The following SSRP1 variants were observed in gnomAD, a reference collection of about 807,000 sequenced individuals.
SSRP1 encodes FACT complex subunit SSRP1.
Under a neutral mutation model 84.4 loss-of-function variants are expected in SSRP1, and 21 were observed. That is an observed-to-expected ratio of 0.25 (90% CI 0.18 to 0.36). SSRP1 has a LOEUF of 0.36. Ranked by LOEUF, SSRP1 falls within the 10% of genes least tolerant of loss-of-function variation. SSRP1 has a pLI of 1.00. For synonymous variants in SSRP1, 319 were observed against 318.3 expected, an observed-to-expected ratio of 1.00 and a Z score of -0.02; for missense variants, 519 against 900.8, an observed-to-expected ratio of 0.58 and a Z score of 5.43.
At chr11:57,331,960 G>T in intron 8 of SSRP1, 71 bp from the exon 9 acceptor site, 1 of 1,509,752 alleles carries the variant, frequency 6.6e-7, no homozygotes, top group South Asian at 1.2e-5. Flanking sequence ...TAGCAGCAGC[G>T]ACACGAGTGC....
At chr11:57,329,888 A>T in intron 12 of SSRP1, 1 of 657,424 alleles carries the variant, frequency 1.5e-6, no homozygotes. Context: ...AGATCCCACT[A>T]TACTTTTCCG....
chr11:57,332,621 T>C lies in SSRP1; in HGVS notation c.768+4A>G, dbSNP rs1204567229. On this transcript the variant is annotated splice_donor_region_variant and intron_variant, in intron 6 of 16. Transcript: ENST00000278412. This position sits in a 1 kb window ranked among gnomAD's most constrained non-coding sequence, Gnocchi z 5.5. ...ATTATCCGGCCATAGGGGTTTCTGC[T>C]TACCACAAAGAACATCTGGCGCTGG... is the stretch of plus-strand genomic sequence containing the variant. 1.2e-6 allele frequency: 2 copies of C among 1,610,484 alleles called. No individual in the cohort carries two copies. Among genetic ancestry groups the C allele is most frequent in the Admixed American group, 1.7e-5 (1 of 59,918 alleles).
chr11:57,331,119 A>C (rs1374897630), intron 9 of SSRP1, among the ~76,000 whole-genome samples, 192 bp from the exon 10 acceptor site: 2 of 152,216 alleles, frequency 1.3e-5, no homozygotes, highest in African/African-American at 2.4e-5. Flanking sequence ...TTAGTCCTGA[A>C]AGAACTGCAT....
chr11:57,334,329 T>C (rs1856160608), intron 3 of SSRP1, 134 bp downstream of exon 3: 1 of 961,314 alleles, frequency 1.0e-6, no homozygotes, highest in Non-Finnish European at 1.6e-6. Flanking sequence ...GATTGCCTGA[T>C]GGCCTCACAG....
intron 9 of SSRP1, 120 bp from the exon 10 acceptor site, chr11:57,331,047 A>C: frequency 9.5e-7 from 1 of 1,057,974 alleles, no homozygotes; most frequent in Non-Finnish European, 1.4e-6. Context: ...TGACTATGCT[A>C]CCCAACCCAA....
chr11:57,334,718 A>G, intron 2 of SSRP1, 70 bp from the exon 3 acceptor site: 1 of 1,545,776 alleles, frequency 6.5e-7, no homozygotes, highest in Non-Finnish European at 8.8e-7. Context: ...AGCTCTACCT[A>G]ACACACATTC....
chr11:57,334,617 C>G lies in SSRP1; in HGVS notation c.86G>C (p.Gly29Ala). The G allele has an allele frequency of 6.2e-7, 1 of 1,614,148 alleles. No individual in the cohort carries two copies. Residue 29 changes from glycine to alanine, a missense_variant, in exon 3 of 17, where the codon GGC becomes GCC. Gly to Ala is a moderately conservative substitution (Grantham distance 60). Coordinates refer to ENST00000278412, the MANE Select transcript of SSRP1 (RefSeq NM_003146.3). Reference protein sequence around the residue: ...NDGRLRLSRQGIIFKNSKTGK... With the variant: ...NDGRLRLSRQAIIFKNSKTGK... ...TGTCTTGCTATTCTTGAAGATGATGCCCTGACGGCTCAACCTCAGTCGACC... is the reference window on the plus strand; with the variant it reads ...TGTCTTGCTATTCTTGAAGATGATGGCCTGACGGCTCAACCTCAGTCGACC...
chr11:57,327,566 C>T, intron 14 of SSRP1, 52 bp from the exon 15 acceptor site: 4 of 1,610,568 alleles, frequency 2.5e-6, no homozygotes, highest in Non-Finnish European at 3.4e-6. Context: ...TCCCATCTCC[C>T]CTCTCCCCTG....
At position 57,332,306 on chromosome 11, in the gene SSRP1, C is replaced by G. The variant is rs1201737969; in HGVS notation, c.873-26G>C. ...CTACAAAGAAAGCAAGGTGAGGTCA[C>G]AACACTACTGCCTTCTAATGGCACA... On this transcript the variant is annotated intron_variant, in intron 7 of 16. Coordinates refer to ENST00000278412, the MANE Select transcript of SSRP1 (RefSeq NM_003146.3). This position sits in a 1 kb window ranked among gnomAD's most constrained non-coding sequence, Gnocchi z 5.5. 1 of 1,613,974 alleles carries G rather than the reference C, an allele frequency of 6.2e-7. No homozygotes were observed. Among genetic ancestry groups the G allele is most frequent in the Non-Finnish European group, 8.5e-7 (1 of 1,180,004 alleles).
chr11:57,333,198 C>T (rs1444613680), intron 4 of SSRP1, 49 bp from the exon 5 acceptor site: 1 of 1,555,658 alleles, frequency 6.4e-7, no homozygotes, highest in Non-Finnish European at 8.7e-7. Context: ...CTTAAGTCTG[C>T]ATAAGCAATA....
rs746000479 is a variant in SSRP1 at position 57,327,882 on chromosome 11, C to A, written c.1612G>T (p.Val538Leu). 1 of 1,613,006 alleles carries A rather than the reference C, an allele frequency of 6.2e-7. No homozygotes were observed. The highest frequency in any genetic ancestry group is 1.1e-5 in the South Asian group (1 of 91,070). The change falls in exon 14 of 17, where the codon GTG becomes TTG. Residue 538 changes from valine (V) to leucine (L), a missense_variant and splice_region_variant. By Grantham distance (32) the Val-to-Leu change is conservative. Transcript: ENST00000278412. ...GCATTGGGGTCTTTGCCCTTCTTCA[C>A]CTACATAAGAACCCAAATGCCTTCA... is the stretch of plus-strand genomic sequence containing the variant. Reference protein sequence around the residue: ...DRKSRKKPVEVKKGKDPNAPK... With the variant: ...DRKSRKKPVELKKGKDPNAPK...
Position 57,330,558 on chromosome 11 carries a change from C to T in SSRP1, c.1297-129G>A, listed in dbSNP as rs1030714647. 25 of 1,467,916 alleles carry T rather than the reference C, an allele frequency of 1.7e-5. No homozygotes were observed. Among genetic ancestry groups the T allele is most frequent in the Non-Finnish European group, 2.3e-5 (25 of 1,104,758 alleles). The allele number at this position is 1,467,916 out of a possible 1,614,324, so 90.9% of individuals were successfully genotyped here. A position where few individuals can be genotyped will look rare whatever the true frequency, so the allele number is the denominator to read the frequency against. On this transcript the variant is annotated intron_variant, in intron 10 of 16. Coordinates refer to ENST00000278412, the MANE Select transcript of SSRP1 (RefSeq NM_003146.3). The surrounding 1 kb of genome is among the most constrained non-coding windows in gnomAD (Gnocchi z 4.0). Reference sequence around the variant, plus strand: ...CCAGAAGACCTGGGGCTGGATTGTCCACACACAGCCAACGTGCAGGGCCTA... The same window carrying T: ...CCAGAAGACCTGGGGCTGGATTGTCTACACACAGCCAACGTGCAGGGCCTA...
At chr11:57,333,609 T>G in intron 3 of SSRP1, 69 bp from the exon 4 acceptor site, 1 of 1,134,622 alleles carries the variant, frequency 8.8e-7, no homozygotes, top group Middle Eastern at 2.0e-4. Context: ...TTGAATGTCC[T>G]GGGATTATCT....
chr11:57,331,626 C>T (rs1270167223), intron 9 of SSRP1, 42 bp downstream of exon 9: 6 of 1,547,912 alleles, frequency 3.9e-6, no homozygotes, highest in African/African-American at 2.7e-5. Context: ...AAAGCTGGCT[C>T]GGGACCAGGA....
rs897200976 is a variant in SSRP1, at chr11:57,332,539, C to T, written c.769-53G>A. On this transcript the variant is annotated intron_variant, in intron 6 of 16. Transcript: ENST00000278412. This position sits in a 1 kb window ranked among gnomAD's most constrained non-coding sequence, Gnocchi z 5.5. Reference sequence around the variant, plus strand: ...TCTACAACAACTTGCAATTAACCAACGTAGAATTCTGCACACCAGTGAGAT... The same window carrying T: ...TCTACAACAACTTGCAATTAACCAATGTAGAATTCTGCACACCAGTGAGAT... 1.9e-6 allele frequency: 3 copies of T among 1,607,172 alleles called. No individual in the cohort carries two copies. The highest frequency in any genetic ancestry group is 2.7e-5 in the African/African-American group (2 of 74,768).
At position 57,331,903 on chromosome 11, in the gene SSRP1, C is replaced by G. The variant is rs371496928; in HGVS notation, c.1002-14G>C. 9.3e-6 allele frequency: 15 copies of G among 1,604,682 alleles called. No individual in the cohort carries two copies. Among genetic ancestry groups the G allele is most frequent in the Non-Finnish European group, 1.2e-5 (14 of 1,175,546 alleles). On this transcript the variant is annotated splice_polypyrimidine_tract_variant and intron_variant, in intron 8 of 16. Transcript: ENST00000278412. Reference sequence around the variant, plus strand: ...GCCCCTGAGTGCCTGACAGAGGGTGCAGGGAGCCTGGTTAGTGCCAACCTC... The same window carrying G: ...GCCCCTGAGTGCCTGACAGAGGGTGGAGGGAGCCTGGTTAGTGCCAACCTC...
chr11:57,332,613 G>A lies in SSRP1; in HGVS notation c.768+12C>T. ...AAACCAGGATTATCCGGCCATAGGG[G>A]TTTCTGCTTACCACAAAGAACATCT... On this transcript the variant is annotated intron_variant, in intron 6 of 16. Coordinates refer to ENST00000278412, the MANE Select transcript of SSRP1 (RefSeq NM_003146.3). The surrounding 1 kb of genome is among the most constrained non-coding windows in gnomAD (Gnocchi z 5.5). The A allele has an allele frequency of 1.2e-6, 2 of 1,609,582 alleles. No homozygotes were observed. Among genetic ancestry groups the A allele is most frequent in the Non-Finnish European group, 8.5e-7 (1 of 1,176,564 alleles).
chr11:57,327,615 T>A, intron 14 of SSRP1, 97 bp downstream of exon 14: 1 of 1,601,714 alleles, frequency 6.2e-7, no homozygotes, highest in Non-Finnish European at 8.5e-7. Flanking sequence ...CACCAATGGC[T>A]CATACTGCTC....
chr11:57,335,261 G>T lies in SSRP1; in HGVS notation c.-119-21C>A. On this transcript the variant is annotated intron_variant, in intron 1 of 16. Coordinates refer to ENST00000278412, the MANE Select transcript of SSRP1 (RefSeq NM_003146.3). This position sits in a 1 kb window ranked among gnomAD's most constrained non-coding sequence, Gnocchi z 4.6. ...GGAATCTGAATTCAAGAGGAAGACA[G>T]ATAAGCATGAAAGACAGCACCTCGC... The T allele has an allele frequency of 1.2e-6, 1 of 850,446 alleles. No homozygotes were observed. The highest frequency in any genetic ancestry group is 2.0e-6 in the Non-Finnish European group (1 of 504,906). The allele number at this position is 850,446 out of a possible 1,614,324, so 52.7% of individuals were successfully genotyped here. A position where few individuals can be genotyped will look rare whatever the true frequency, so the allele number is the denominator to read the frequency against.
Sources: gnomAD v4.1 joint callset for allele counts (sites outside exome capture counted in the v4.1 genomes callset) on GRCh38, gnomAD v4.1.1 for gene constraint, Gnocchi (gnomAD v3.1) non-coding constraint, MANE v1.5 for transcripts, NCBI Gene and HGNC (gene_info 2026-07-23, HGNC 2026-07-21) for gene names.